TYW1: variants seen among roughly 807,000 people sequenced by gnomAD.
TYW1 encodes S-adenosyl-L-methionine-dependent tRNA 4-demethylwyosine synthase TYW1.
Under a neutral mutation model 96.2 loss-of-function variants are expected in TYW1, and 46 were observed. The observed-to-expected ratio is 0.48, with a 90% CI of 0.38 to 0.61. TYW1 has a LOEUF of 0.61. Among genes scored for constraint, TYW1 ranks in the 20% least tolerant of loss-of-function variants. The pLI, the probability that TYW1 is intolerant of heterozygous loss-of-function variation, is 0.00. For synonymous variants in TYW1, 274 were observed against 323.0 expected, an observed-to-expected ratio of 0.85 and a Z score of 1.63; for missense variants, 684 against 909.6, an observed-to-expected ratio of 0.75 and a Z score of 3.19.
intron 12 of TYW1, among the ~76,000 whole-genome samples, chr7:67,100,812 C>G (rs1349044334): frequency 4.1e-5 from 5 of 120,508 alleles, no homozygotes; most frequent in African/African-American, 9.9e-5. Flanking sequence ...TGCAGTGAGC[C>G]AAGATCACGC....
chr7:67,072,270 G>A (rs1282863605), intron 10 of TYW1, among the ~76,000 whole-genome samples: 2 of 137,284 alleles, frequency 1.5e-5, no homozygotes, highest in Admixed American at 7.5e-5. Context: ...TTTTTGAGAC[G>A]GAGTCTCACT....
intron 8 of TYW1, among the ~76,000 whole-genome samples, chr7:67,054,781 T>C (rs1284119984): frequency 6.6e-6 from 1 of 152,232 alleles, no homozygotes; most frequent in African/African-American, 2.4e-5. Context: ...AGAAACGGTA[T>C]TGAATGCTTT....
chr7:67,061,207 G>A (rs867682975), intron 9 of TYW1, among the ~76,000 whole-genome samples: 1 of 152,176 alleles, frequency 6.6e-6, no homozygotes, highest in Non-Finnish European at 1.5e-5. Context: ...CAGCCTGGTC[G>A]AGAGAGTGAG....
intron 15 of TYW1, among the ~76,000 whole-genome samples, chr7:67,202,249 T>C (rs1250015882): frequency 1.3e-5 from 2 of 152,206 alleles, no homozygotes; most frequent in Non-Finnish European, 2.9e-5. Context: ...TGGTACCACT[T>C]CTTAGGAAGT....
chr7:67,074,224 A>C (rs1236143191), intron 10 of TYW1, among the ~76,000 whole-genome samples: 1 of 152,216 alleles, frequency 6.6e-6, no homozygotes. Context: ...TATTGGGATC[A>C]CATCATACTT....
At chr7:67,174,161 T>C (rs1198688708) in intron 13 of TYW1, among the ~76,000 whole-genome samples, 2 of 151,548 alleles carry the variant, frequency 1.3e-5, no homozygotes, top group African/African-American at 4.9e-5. Context: ...TCTTGGGATA[T>C]TCTGAATTTA....
chr7:67,150,887 T>C (rs1053117818), intron 13 of TYW1, among the ~76,000 whole-genome samples: 9 of 152,060 alleles, frequency 5.9e-5, no homozygotes, highest in African/African-American at 2.2e-4. Flanking sequence ...AACCTGTGGG[T>C]AAATTTTATT....
At chr7:67,051,524 A>G (rs1795353785) in intron 8 of TYW1, among the ~76,000 whole-genome samples, 1 of 152,146 alleles carries the variant, frequency 6.6e-6, no homozygotes, top group Admixed American at 6.6e-5. Context: ...TTCTTCAACA[A>G]AAATACCTAT....
At chr7:67,038,327 C>T (rs529715644) in intron 7 of TYW1, among the ~76,000 whole-genome samples, 24 of 151,086 alleles carry the variant, frequency 1.6e-4, no homozygotes, top group South Asian at 6.3e-4. Context: ...CACACCAGGC[C>T]GGGCTTGGTG....
At chr7:67,215,779 G>A (rs1267118307) in intron 15 of TYW1, among the ~76,000 whole-genome samples, 1 of 152,134 alleles carries the variant, frequency 6.6e-6, no homozygotes, top group Non-Finnish European at 1.5e-5. Context: ...CTTGGAGTCC[G>A]ATGTTCGAGG....
At chr7:67,089,388 G>T (rs1019772444) in intron 11 of TYW1, 2 of 1,232,668 alleles carry the variant, frequency 1.6e-6, no homozygotes, top group African/African-American at 1.5e-5. Flanking sequence ...AGGGCATCTG[G>T]TGGGGAGGCC....
In TYW1 at chr7:67,092,751, C is replaced by T. The variant is rs569458213; in HGVS notation, c.1385-5790C>T. Among the ~76,000 whole-genome samples the T allele has an allele frequency of 1.3e-3, 166 of 132,780 alleles. 4 individuals are homozygous for T. In the South Asian group the frequency reaches 0.029, roughly 23 times the overall value. 87.1% of individuals were successfully genotyped at this position (132,780 alleles called of 152,430 possible). A position where few individuals can be genotyped will look rare whatever the true frequency, so the allele number is the denominator to read the frequency against. Reference sequence around the variant, plus strand: ...AGGCTGGAGTGCAGTGGTGAGATCTCGGCTCACTGCAACCTCCGCCTCCTG... The same window carrying T: ...AGGCTGGAGTGCAGTGGTGAGATCTTGGCTCACTGCAACCTCCGCCTCCTG... On this transcript the variant is annotated intron_variant, in intron 11 of 15. Transcript: ENST00000359626.
At chr7:67,006,687 G>T (rs1346800119) in intron 3 of TYW1, among the ~76,000 whole-genome samples, 3 of 151,920 alleles carry the variant, frequency 2.0e-5, no homozygotes, top group Admixed American at 6.6e-5. Flanking sequence ...TGATCCGCCC[G>T]CCTTGACCTC....
intron 13 of TYW1, among the ~76,000 whole-genome samples, chr7:67,136,683 GTGTATATATA>G (rs1474974546): frequency 3.8e-5 from 4 of 104,516 alleles, no homozygotes; most frequent in African/African-American, 1.8e-4. Flanking sequence ...GTGTGTGTGT[GTGTATATATA>G]TATATGCTGA....
intron 12 of TYW1, among the ~76,000 whole-genome samples, chr7:67,106,259 C>G (rs1797241027): frequency 6.6e-6 from 1 of 152,168 alleles, no homozygotes; most frequent in Non-Finnish European, 1.5e-5. Flanking sequence ...GAATTCTTTT[C>G]CCTCTTAAAA....
intron 13 of TYW1, among the ~76,000 whole-genome samples, chr7:67,174,542 G>T (rs1342268439): frequency 6.7e-6 from 1 of 148,574 alleles, no homozygotes; most frequent in Non-Finnish European, 1.5e-5. Context: ...AAAGGAAATA[G>T]GTTAAAAATC....
At chr7:67,057,040 G>A (rs1381535462) in intron 9 of TYW1, among the ~76,000 whole-genome samples, 1 of 149,226 alleles carries the variant, frequency 6.7e-6, no homozygotes, top group Non-Finnish European at 1.5e-5. Context: ...TTTTGAGATG[G>A]AGTCTCGCTC....
At chr7:67,230,626 C>G (rs371179193) in intron 15 of TYW1, among the ~76,000 whole-genome samples, 2 of 150,430 alleles carry the variant, frequency 1.3e-5, no homozygotes, top group African/African-American at 4.9e-5. Context: ...CCCTGCACCC[C>G]CAACCCACCA....
chr7:67,171,042 T>C (rs1272048464), intron 13 of TYW1, among the ~76,000 whole-genome samples: 1 of 152,170 alleles, frequency 6.6e-6, no homozygotes, highest in Non-Finnish European at 1.5e-5. Context: ...AGCTTTTATT[T>C]GTTGGGAGTT....
Sources: allele counts gnomAD v4.1 joint callset (sites outside exome capture counted in the v4.1 genomes callset), GRCh38; gene constraint gnomAD v4.1.1; transcripts MANE v1.5; gene names NCBI Gene and HGNC (gene_info 2026-07-23, HGNC 2026-07-21).